Variants in FKBP1A observed in about 807,000 individuals in gnomAD.
The protein encoded by FKBP1A is FKBP prolyl isomerase 1A, also known as peptidyl-prolyl cis-trans isomerase FKBP1A.
FKBP1A carries 5 observed loss-of-function variants against 14.2 expected under a neutral mutation model. The ratio of observed to expected loss-of-function variants is 0.35; its 90% CI spans 0.18 to 0.74. The LOEUF (loss-of-function observed/expected upper bound fraction) is 0.74, where lower values mean the gene tolerates loss of function less well. FKBP1A is among the 30% of genes least tolerant of loss of function. The pLI, the probability that FKBP1A is intolerant of heterozygous loss-of-function variation, is 0.56. For missense variants in FKBP1A, 53 were observed against 138.8 expected, an observed-to-expected ratio of 0.38 and a Z score of 3.10; for synonymous variants, 42 against 49.1, an observed-to-expected ratio of 0.86 and a Z score of 0.60.
intron 2 of FKBP1A, chr20:1,391,654 T>C (rs2089738154): frequency 2.5e-6 from 1 of 398,570 alleles, no homozygotes; most frequent in Non-Finnish European, 4.4e-6. Context: ...GATCCCTCCA[T>C]GTTTCCATGA....
chr20:1,377,213 T>C (rs1282867488), intron 2 of FKBP1A: 1 of 152,128 alleles, frequency 6.6e-6, no homozygotes, highest in East Asian at 1.9e-4. Flanking sequence ...CATTTGTAAG[T>C]AGGATGGGGA....
At chr20:1,388,484 T>A (rs2089693505) in intron 2 of FKBP1A, among the ~76,000 whole-genome samples, 1 of 152,176 alleles carries the variant, frequency 6.6e-6, no homozygotes, top group African/African-American at 2.4e-5. Context: ...GCAGGCATCG[T>A]TACTCCCATT....
At chr20:1,388,304 C>T (rs532490378) in intron 2 of FKBP1A, among the ~76,000 whole-genome samples, 34 of 152,300 alleles carry the variant, frequency 2.2e-4, no homozygotes, top group African/African-American at 8.2e-4. Flanking sequence ...AACTAGCCTG[C>T]TCTCTTTGAA....
chr20:1,391,584 G>GA, intron 2 of FKBP1A: 4 of 398,414 alleles, frequency 1.0e-5, no homozygotes, highest in Middle Eastern at 6.3e-4. Flanking sequence ...AAGGGCATGG[G>GA]AGGGGGGATG....
chr20:1,392,471 T>C (rs2089750244), intron 2 of FKBP1A, among the ~76,000 whole-genome samples: 1 of 152,156 alleles, frequency 6.6e-6, no homozygotes, highest in African/African-American at 2.4e-5. Context: ...GCTCTGCCCA[T>C]TCCTGAAAGT....
intron 2 of FKBP1A, among the ~76,000 whole-genome samples, chr20:1,384,488 C>T (rs1309807665): frequency 6.6e-6 from 1 of 152,194 alleles, no homozygotes; most frequent in Non-Finnish European, 1.5e-5. Context: ...ACTCCACTAG[C>T]AGAGCCATCC....
intron 2 of FKBP1A, among the ~76,000 whole-genome samples, chr20:1,390,439 A>T (rs1213744769): frequency 1.3e-5 from 2 of 152,114 alleles, no homozygotes; most frequent in Non-Finnish European, 2.9e-5. Flanking sequence ...CAAATCTCTA[A>T]CAGGAGACTA....
intron 2 of FKBP1A, among the ~76,000 whole-genome samples, chr20:1,388,081 G>A (rs2089687938): frequency 6.6e-6 from 1 of 152,130 alleles, no homozygotes; most frequent in African/African-American, 2.4e-5. Context: ...TAAATGCAAA[G>A]GGAAAAATGT....
chr20:1,372,365 G>T, intron 3 of FKBP1A, 125 bp from the exon 4 acceptor site: 1 of 966,454 alleles, frequency 1.0e-6, no homozygotes, highest in Non-Finnish European at 1.6e-6. Context: ...TGACTTTGCA[G>T]CTGCCCAGGC....
At position 1,386,891 on chromosome 20, in the gene FKBP1A, G is replaced by A. The variant is rs9647031; in HGVS notation, c.85+5943C>T. 0.13 allele frequency among the ~76,000 whole-genome samples: 20,472 copies of A among 152,176 alleles called. 1,762 individuals carry two copies. Among genetic ancestry groups the A allele is most frequent in the Non-Finnish European group, 0.2 (13,474 of 67,986 alleles). ...CCAGGGGAGGGAATGCAGAGACTTG[G>A]TTAAGCTTTTTAGCAGGAAAAGAAA... On this transcript the variant is annotated intron_variant, in intron 2 of 4. Transcript: ENST00000400137. This position sits in a 1 kb window ranked among gnomAD's most constrained non-coding sequence, Gnocchi z 4.7.
At chr20:1,373,161 G>C (rs530083949) in intron 3 of FKBP1A, 1 of 152,190 alleles carries the variant, frequency 6.6e-6, no homozygotes, top group African/African-American at 2.4e-5. Context: ...GTTGGACCAA[G>C]GTGGTAAGGA....
At chr20:1,376,638 C>T (rs2089547547) in intron 2 of FKBP1A, among the ~76,000 whole-genome samples, 1 of 152,002 alleles carries the variant, frequency 6.6e-6, no homozygotes. Flanking sequence ...CAGCACTATC[C>T]CCATTTCACA....
At chr20:1,380,474 C>G (rs568231878) in intron 2 of FKBP1A, among the ~76,000 whole-genome samples, 2 of 152,114 alleles carry the variant, frequency 1.3e-5, no homozygotes, top group Admixed American at 1.3e-4. Flanking sequence ...TACTACCCCC[C>G]GGTCAAACTG....
chr20:1,371,945 A>C (rs2089470712), intron 4 of FKBP1A, 131 bp downstream of exon 4: 6 of 1,448,504 alleles, frequency 4.1e-6, no homozygotes, highest in Non-Finnish European at 4.5e-6. Flanking sequence ...AAGGATACTC[A>C]ATACAGAAAG....
intron 2 of FKBP1A, among the ~76,000 whole-genome samples, chr20:1,385,629 G>A (rs1010938894): frequency 6.6e-6 from 1 of 152,014 alleles, no homozygotes; most frequent in African/African-American, 2.4e-5. Flanking sequence ...CCCATCTCAG[G>A]AGATAAAACT....
intron 3 of FKBP1A, among the ~76,000 whole-genome samples, chr20:1,374,281 A>G (rs527617938): frequency 5.3e-5 from 8 of 152,138 alleles, no homozygotes; most frequent in Non-Finnish European, 1.2e-4. Flanking sequence ...CTGGGTCCCT[A>G]TTGTCTCCTG....
intron 2 of FKBP1A, among the ~76,000 whole-genome samples, chr20:1,383,281 G>C (rs964018166): frequency 3.3e-5 from 5 of 151,836 alleles, no homozygotes; most frequent in Non-Finnish European, 7.4e-5. Context: ...AGTTGCTCAT[G>C]AATCTTTGCA....
intron 2 of FKBP1A, chr20:1,377,082 C>T (rs1256730657): frequency 6.6e-6 from 1 of 152,114 alleles, no homozygotes; most frequent in African/African-American, 2.4e-5. Context: ...GGTGGGCACT[C>T]ACCATGGTTC....
intron 2 of FKBP1A, among the ~76,000 whole-genome samples, chr20:1,384,799 G>T (rs1390897394): frequency 6.6e-6 from 1 of 152,026 alleles, no homozygotes; most frequent in African/African-American, 2.4e-5. Flanking sequence ...ACCCAAAGAG[G>T]GAACCAGCTC....
Sources: gnomAD v4.1 joint callset for allele counts (sites outside exome capture counted in the v4.1 genomes callset) on GRCh38, gnomAD v4.1.1 for gene constraint, Gnocchi (gnomAD v3.1) non-coding constraint, MANE v1.5 for transcripts, NCBI Gene and HGNC (gene_info 2026-07-23, HGNC 2026-07-21) for gene names.